MAP2K6: variants seen among roughly 807,000 people sequenced by gnomAD.
MAP2K6 encodes the protein mitogen-activated protein kinase kinase 6.
MAP2K6 carries 16 observed loss-of-function variants against 53.7 expected under a neutral mutation model. The observed-to-expected ratio is 0.30, with a 90% CI of 0.20 to 0.45. The LOEUF (loss-of-function observed/expected upper bound fraction) is 0.45. Among genes scored for constraint, MAP2K6 ranks in the 20% least tolerant of loss-of-function variants. The pLI is 1.00. For synonymous variants in MAP2K6, 132 were observed against 143.1 expected (o/e 0.92, Z 0.55); for missense variants, 204 against 411.9 (o/e 0.50, Z 4.37).
intron 1 of MAP2K6, among the ~76,000 whole-genome samples, chr17:69,442,919 A>T (rs1228052901): frequency 6.6e-6 from 1 of 152,196 alleles, no homozygotes; most frequent in Non-Finnish European, 1.5e-5. Context: ...TCTGGCATCT[A>T]ATAGAGATTC....
In MAP2K6 at chr17:69,416,660, A is replaced by G. The variant is rs115208773; in HGVS notation, c.16+1660A>G. The stretch of plus-strand genomic sequence containing the variant: ...GCACATGATTTAGGGACACACAAAA[A>G]TATTTAAAATGAAGTTTTTCCTTCG... On this transcript the variant is annotated intron_variant, in intron 1 of 11. Transcript: ENST00000590474. Among the ~76,000 whole-genome samples, 274 of 139,448 alleles carry G rather than the reference A, an allele frequency of 2.0e-3. 1 individual carries two copies. The highest frequency in any genetic ancestry group is 6.8e-3 in the African/African-American group (260 of 38,404). The allele number at this position is 139,448 out of a possible 152,430, so 91.5% of individuals were successfully genotyped here.
chr17:69,536,044 G>A, intron 10 of MAP2K6, 71 bp from the exon 11 acceptor site: 2 of 992,180 alleles, frequency 2.0e-6, no homozygotes, highest in Non-Finnish European at 3.2e-6. Flanking sequence ...TGTTCTACAG[G>A]TTCTGAAATC....
intron 11 of MAP2K6, among the ~76,000 whole-genome samples, 191 bp downstream of exon 11, chr17:69,536,351 CTGTCACTA>C (rs1425436281): frequency 6.6e-6 from 1 of 152,146 alleles, no homozygotes; most frequent in Non-Finnish European, 1.5e-5. Flanking sequence ...AGGTTGGGAC[CTGTCACTA>C]TTCTTAGTAG....
intron 1 of MAP2K6, among the ~76,000 whole-genome samples, chr17:69,493,309 G>A (rs1810739868): frequency 6.6e-6 from 1 of 150,810 alleles, no homozygotes; most frequent in African/African-American, 2.4e-5. Flanking sequence ...GTATGTGTTT[G>A]TGTGTGTGTG....
In MAP2K6 at chr17:69,482,405, T is replaced by G. The variant is rs536251364; in HGVS notation, c.17-23375T>G. 4.6e-5 allele frequency among the ~76,000 whole-genome samples: 7 copies of G among 152,224 alleles called. No homozygotes were observed. The South Asian group carries it at 1.4e-3, about 32-fold the overall frequency. Reference sequence around the variant, plus strand: ...ACAGTAGAATGTCTTTCTCTTATGTTTATCCACCAGCAACAGTGTGCCTTC... The same window carrying G: ...ACAGTAGAATGTCTTTCTCTTATGTGTATCCACCAGCAACAGTGTGCCTTC... On this transcript the variant is annotated intron_variant, in intron 1 of 11. Coordinates refer to ENST00000590474, the MANE Select transcript of MAP2K6 (RefSeq NM_002758.4).
intron 1 of MAP2K6, among the ~76,000 whole-genome samples, chr17:69,465,623 C>CTT (rs142876473): frequency 0.015 from 2,119 of 144,212 alleles, 44 homozygotes; most frequent in African/African-American, 0.049. Context: ...TTGTTTTTTT[C>CTT]TTTTTTTTTT....
At chr17:69,520,204 T>A in intron 5 of MAP2K6, 66 bp from the exon 6 acceptor site, 1 of 844,906 alleles carries the variant, frequency 1.2e-6, no homozygotes, top group South Asian at 1.5e-5. Flanking sequence ...TTACTGTTTT[T>A]TTTTTTTATT....
intron 1 of MAP2K6, among the ~76,000 whole-genome samples, chr17:69,467,646 AC>A (rs1255863006): frequency 6.6e-6 from 1 of 152,200 alleles, no homozygotes; most frequent in African/African-American, 2.4e-5. Flanking sequence ...GAACTACCAT[AC>A]TATAAAAATG....
At chr17:69,507,853 G>T (rs1259850440) in intron 2 of MAP2K6, among the ~76,000 whole-genome samples, 1 of 152,076 alleles carries the variant, frequency 6.6e-6, no homozygotes, top group Non-Finnish European at 1.5e-5. Context: ...TAGTGCAATT[G>T]CTGGGTTATA....
rs373058532 is a variant in MAP2K6, at chr17:69,446,545, A to G, written c.16+31545A>G. ...TGTATCAGCTCATTGCTCCTTCACT[A>G]CTAACCTATTAGGTATGTGTTGTTT... is the stretch of plus-strand genomic sequence containing the variant. On this transcript the variant is annotated intron_variant, in intron 1 of 11. Coordinates refer to ENST00000590474, the MANE Select transcript of MAP2K6 (RefSeq NM_002758.4). Among the ~76,000 whole-genome samples the G allele has an allele frequency of 3.9e-3, 588 of 152,164 alleles. 4 individuals are homozygous for G. Among genetic ancestry groups the G allele is most frequent in the African/African-American group, 0.013 (552 of 41,526 alleles).
Position 69,419,392 on chromosome 17 carries a change from G to T in MAP2K6, c.16+4392G>T, listed in dbSNP as rs944555206. ...TCATTTCTACCAATAATATTTAGAC[G>T]TGCCCATTCTGTCCTTTCAAGCATA... On this transcript the variant is annotated intron_variant, in intron 1 of 11. Coordinates refer to ENST00000590474, the MANE Select transcript of MAP2K6 (RefSeq NM_002758.4). Among the ~76,000 whole-genome samples the T allele has an allele frequency of 6.6e-5, 10 of 152,140 alleles. No individual in the cohort carries two copies. In the East Asian group the frequency reaches 9.7e-4, roughly 15 times the overall value.
intron 1 of MAP2K6, among the ~76,000 whole-genome samples, chr17:69,462,678 C>T (rs759543699): frequency 2.0e-5 from 3 of 152,218 alleles, no homozygotes; most frequent in Admixed American, 1.3e-4. Context: ...TCCTTTTTCA[C>T]ACTCCGGGCG....
chr17:69,500,761 A>AG (rs1296026386), intron 1 of MAP2K6, among the ~76,000 whole-genome samples: 2 of 149,954 alleles, frequency 1.3e-5, no homozygotes, highest in Non-Finnish European at 2.9e-5. Context: ...ATCTCAAAAA[A>AG]AAAAGAAAAA....
Position 69,492,251 on chromosome 17 carries a change from C to T in MAP2K6, c.17-13529C>T, listed in dbSNP as rs555299167. 1.9e-3 allele frequency among the ~76,000 whole-genome samples: 293 copies of T among 152,236 alleles called. 2 individuals carry two copies. The highest frequency in any genetic ancestry group is 7.0e-3 in the African/African-American group (289 of 41,534). On this transcript the variant is annotated intron_variant, in intron 1 of 11. Coordinates refer to ENST00000590474, the MANE Select transcript of MAP2K6 (RefSeq NM_002758.4). Reference sequence around the variant, plus strand: ...CATTCCTATGGCTGAGTGGTAGTGCCTAGGTTGTCTTCCAGGGTTTTTATA... The same window carrying T: ...CATTCCTATGGCTGAGTGGTAGTGCTTAGGTTGTCTTCCAGGGTTTTTATA...
Position 69,545,513 on chromosome 17 carries a change from G to T in MAP2K6, c.*3760G>T, listed in dbSNP as rs998520781. The stretch of plus-strand genomic sequence containing the variant: ...AAATTGTTTGTATTTTACAGTTCTT[G>T]TATATCCTTCAAGCCTAACAAAAAA... On this transcript the variant is annotated 3_prime_UTR_variant, in exon 12 of 12. Coordinates refer to ENST00000590474, the MANE Select transcript of MAP2K6 (RefSeq NM_002758.4). 1 of 152,166 alleles carries T rather than the reference G, an allele frequency of 6.6e-6. No homozygotes were observed. The highest frequency in any genetic ancestry group is 1.5e-5 in the Non-Finnish European group (1 of 68,026). The allele number at this position is 152,166 out of a possible 1,614,324, so 9.4% of individuals were successfully genotyped here. A position where few individuals can be genotyped will look rare whatever the true frequency, so the allele number is the denominator to read the frequency against.
intron 1 of MAP2K6, among the ~76,000 whole-genome samples, chr17:69,501,916 A>AT (rs1243529507): frequency 8.5e-4 from 86 of 100,628 alleles, no homozygotes; most frequent in African/African-American, 3.1e-3. Context: ...GCTCCCTCCC[A>AT]TGTTTTTTTT....
At chr17:69,540,707 T>A (rs141624950) in intron 11 of MAP2K6, among the ~76,000 whole-genome samples, 36 of 152,352 alleles carry the variant, frequency 2.4e-4, no homozygotes, top group African/African-American at 8.7e-4. Context: ...GGATAGAGAC[T>A]CTTCTTTTCC....
chr17:69,419,496 T>C (rs1036075632), intron 1 of MAP2K6, among the ~76,000 whole-genome samples: 12 of 152,188 alleles, frequency 7.9e-5, no homozygotes, highest in African/African-American at 2.7e-4. Context: ...TTTGAAAAAA[T>C]CTTTGGCAGT....
At chr17:69,432,773 C>A (rs1294995112) in intron 1 of MAP2K6, among the ~76,000 whole-genome samples, 2 of 148,476 alleles carry the variant, frequency 1.3e-5, no homozygotes, top group African/African-American at 5.0e-5. Flanking sequence ...ATGTAACAAA[C>A]CTGCACGTTC....
Sources: allele counts gnomAD v4.1 joint callset (sites outside exome capture counted in the v4.1 genomes callset), GRCh38; gene constraint gnomAD v4.1.1; transcripts MANE v1.5; gene names NCBI Gene and HGNC (gene_info 2026-07-23, HGNC 2026-07-21).